HDX: variants seen among roughly 807,000 people sequenced by gnomAD.
HDX encodes the protein highly divergent homeobox.
Under a neutral mutation model 45.2 loss-of-function variants are expected in HDX, and 19 were observed. The observed-to-expected ratio is 0.42, with a 90% CI of 0.29 to 0.62. The LOEUF is 0.62. HDX is among the 20% of genes least tolerant of loss of function. The pLI, the probability that HDX is intolerant of heterozygous loss-of-function variation, is 0.20. For synonymous variants in HDX, 188 were observed against 172.8 expected, an observed-to-expected ratio of 1.09 and a Z score of -0.69; for missense variants, 532 against 493.9, an observed-to-expected ratio of 1.08 and a Z score of -0.73.
chrX:84,456,701 G>T (rs747791500), intron 4 of HDX, among the ~76,000 whole-genome samples: 76 of 110,472 alleles, frequency 6.9e-4, no homozygotes, highest in Non-Finnish European at 1.3e-3. Context: ...CTTGTTAATG[G>T]AAATCAAAGA....
rs189374843 is a variant in HDX at position 84,367,889 on chromosome X, T to C, written c.1306-6277A>G. 7.5e-3 allele frequency among the ~76,000 whole-genome samples: 830 copies of C among 111,358 alleles called. 14 individuals are homozygous for C. The highest frequency in any genetic ancestry group is 0.026 in the African/African-American group (802 of 30,683). ...AAGGGAGGGATAGCATTAGGAAAAA[T>C]ACCTAATGTAGATGACGGGTTGATG... On this transcript the variant is annotated intron_variant, in intron 5 of 10. Coordinates refer to ENST00000373177, the MANE Select transcript of HDX (RefSeq NM_001177479.2).
chrX:84,380,722 A>T (rs972734424), intron 5 of HDX, among the ~76,000 whole-genome samples: 7 of 111,068 alleles, frequency 6.3e-5, no homozygotes, highest in Non-Finnish European at 1.1e-4. Context: ...GATAGAAGAA[A>T]CATACCTCAA....
chrX:84,331,262 C>T (rs2036837708), intron 9 of HDX, among the ~76,000 whole-genome samples: 1 of 111,364 alleles, frequency 9.0e-6, no homozygotes, highest in Admixed American at 9.6e-5. Flanking sequence ...TCCACTATGA[C>T]CAAAATGAGT....
intron 5 of HDX, among the ~76,000 whole-genome samples, chrX:84,373,079 G>GTT (rs756389380): frequency 9.0e-6 from 1 of 111,402 alleles, no homozygotes; most frequent in Non-Finnish European, 1.9e-5. Context: ...AAAAGCTGAT[G>GTT]TTTTCAGAAT....
At chrX:84,352,181 T>C (rs2037376223) in intron 6 of HDX, among the ~76,000 whole-genome samples, 3 of 112,272 alleles carry the variant, frequency 2.7e-5, no homozygotes, top group Non-Finnish European at 5.6e-5. Context: ...TTTCAAAAAA[T>C]ATGCAGGGCA....
chrX:84,390,087 C>A (rs1303113139), intron 5 of HDX, among the ~76,000 whole-genome samples: 2 of 110,315 alleles, frequency 1.8e-5, no homozygotes, highest in South Asian at 7.9e-4. Flanking sequence ...ATATTTCTCT[C>A]CAAAGATCTT....
intron 5 of HDX, among the ~76,000 whole-genome samples, chrX:84,384,399 G>A (rs190111076): frequency 7.0e-4 from 77 of 110,496 alleles, no homozygotes; most frequent in Non-Finnish European, 1.3e-3. Flanking sequence ...ATTTGTTTAA[G>A]TTTTTTAGAT....
intron 7 of HDX, among the ~76,000 whole-genome samples, chrX:84,338,154 C>T (rs1236328799): frequency 2.7e-5 from 3 of 110,580 alleles, no homozygotes; most frequent in African/African-American, 9.8e-5. Flanking sequence ...AGGGGTGCCT[C>T]GTATGAGCAT....
At chrX:84,444,594 C>G (rs369207978) in intron 4 of HDX, among the ~76,000 whole-genome samples, 1 of 110,945 alleles carries the variant, frequency 9.0e-6, no homozygotes, top group East Asian at 2.9e-4. Context: ...AGTGCCTGGT[C>G]TGCTGGAGCT....
chrX:84,326,749 T>C (rs868854639), intron 9 of HDX, among the ~76,000 whole-genome samples: 8 of 109,946 alleles, frequency 7.3e-5, no homozygotes, highest in African/African-American at 2.7e-4. Context: ...CCGTCTCTAC[T>C]AAAAATACAA....
chrX:84,354,920 C>A (rs866201514), intron 6 of HDX, among the ~76,000 whole-genome samples: 1 of 27,616 alleles, frequency 3.6e-5, no homozygotes, highest in Admixed American at 7.6e-4. Flanking sequence ...TATATATATA[C>A]ACACACACAC....
Position 84,469,491 on chromosome X carries a change from G to C in HDX, c.232C>G (p.Pro78Ala), listed in dbSNP as rs1328271960. 1 of 1,210,134 alleles carries C rather than the reference G, an allele frequency of 8.3e-7. No individual in the cohort carries two copies. The highest frequency in any genetic ancestry group is 2.2e-5 in the Admixed American group (1 of 45,898). ...ACCACATTTCTGACTGTGATGTCTG[G>C]AGCTGACAAAGAGGTTCCTGTTGTT... is the stretch of plus-strand genomic sequence containing the variant. ...TATTGTSLSA[P>A]DITVRNVVNI... The change falls in exon 4 of 11, where the codon CCA becomes GCA. Residue 78 changes from proline (P) to alanine (A), a missense_variant. Transcript: ENST00000373177.
intron 4 of HDX, among the ~76,000 whole-genome samples, chrX:84,462,304 G>A (rs2040255020): frequency 8.9e-6 from 1 of 111,815 alleles, no homozygotes; most frequent in Non-Finnish European, 1.9e-5. Flanking sequence ...AAGAAAATGT[G>A]GTACGTATAC....
At chrX:84,331,076 G>A (rs1372306444) in intron 9 of HDX, among the ~76,000 whole-genome samples, 1 of 111,417 alleles carries the variant, frequency 9.0e-6, no homozygotes, top group Non-Finnish European at 1.9e-5. Context: ...TTTCCACATT[G>A]ACCAGAGCTT....
chrX:84,459,446 A>C (rs191243113), intron 4 of HDX, among the ~76,000 whole-genome samples: 2,403 of 110,724 alleles, frequency 0.022, 28 homozygotes, highest in Middle Eastern at 0.042. Flanking sequence ...GATCTCAAAA[A>C]AAAAAAAGAA....
intron 2 of HDX, among the ~76,000 whole-genome samples, chrX:84,484,317 A>T (rs1485899439): frequency 8.9e-6 from 1 of 112,138 alleles, no homozygotes; most frequent in East Asian, 2.8e-4. Flanking sequence ...TAAGTGACTC[A>T]TAGTTCCACA....
At chrX:84,361,985 T>G (rs868495915) in intron 5 of HDX, among the ~76,000 whole-genome samples, 2 of 111,927 alleles carry the variant, frequency 1.8e-5, no homozygotes, top group Admixed American at 1.9e-4. Flanking sequence ...TTAAACTTTT[T>G]TCTATAGTAC....
At chrX:84,411,930 AT>A (rs776655061) in intron 5 of HDX, among the ~76,000 whole-genome samples, 1 of 110,707 alleles carries the variant, frequency 9.0e-6, no homozygotes, top group African/African-American at 3.3e-5. Flanking sequence ...TCTCCTTTGT[AT>A]TTTTTTATCA....
At chrX:84,396,225 C>G (rs2038558904) in intron 5 of HDX, among the ~76,000 whole-genome samples, 1 of 112,151 alleles carries the variant, frequency 8.9e-6, no homozygotes, top group Non-Finnish European at 1.9e-5. Context: ...AAGACATTTT[C>G]CTGAAGATAC....
Sources: gnomAD v4.1 joint callset for allele counts (sites outside exome capture counted in the v4.1 genomes callset) on GRCh38, gnomAD v4.1.1 for gene constraint, MANE v1.5 for transcripts, NCBI Gene and HGNC (gene_info 2026-07-23, HGNC 2026-07-21) for gene names.